AKT3: variants seen among roughly 807,000 people sequenced by gnomAD.
AKT3 encodes the protein AKT serine/threonine kinase 3, also known as RAC-gamma serine/threonine-protein kinase.
Under a neutral mutation model 65.3 loss-of-function variants are expected in AKT3, and 15 were observed. That is an observed-to-expected ratio of 0.23 (90% CI 0.15 to 0.35). AKT3 has a LOEUF of 0.35. AKT3 is among the 10% of genes least tolerant of loss of function. The pLI, the probability that AKT3 is intolerant of heterozygous loss-of-function variation, is 1.00. For missense variants in AKT3, 243 were observed against 576.5 expected (o/e 0.42, Z 5.92); for synonymous variants, 206 against 183.8 (o/e 1.12, Z -0.98).
intron 2 of AKT3, among the ~76,000 whole-genome samples, chr1:243,835,012 A>G (rs1431248199): frequency 6.6e-6 from 1 of 152,326 alleles, no homozygotes; most frequent in Admixed American, 6.5e-5. Flanking sequence ...GAAGAGTCTT[A>G]TATTTTATAT....
At chr1:243,638,387 TAAGTC>T (rs1414983674) in intron 5 of AKT3, among the ~76,000 whole-genome samples, 2 of 152,158 alleles carry the variant, frequency 1.3e-5, no homozygotes, top group African/African-American at 4.8e-5. Flanking sequence ...TTCTCTTTCT[TAAGTC>T]AGGTAATCCT....
intron 2 of AKT3, among the ~76,000 whole-genome samples, chr1:243,727,189 G>T (rs1687262140): frequency 6.6e-6 from 1 of 152,104 alleles, no homozygotes; most frequent in Non-Finnish European, 1.5e-5. Context: ...AGCTCAACAT[G>T]GCATCTGTTA....
rs146090558 is a variant in AKT3 at position 243,761,363 on chromosome 1, A to T, written c.47-65647T>A. Among the ~76,000 whole-genome samples, 382 of 152,316 alleles carry T rather than the reference A, an allele frequency of 2.5e-3. 8 individuals carry two copies. The highest frequency in any genetic ancestry group is 0.022 in the Admixed American group (336 of 15,298). On this transcript the variant is annotated intron_variant, in intron 2 of 13. Transcript: ENST00000673466. ...CTAAATATCATAATTTAGACAGAGGAATGCTTATCTTCAGTGAGTAAAAGA... is the reference window on the plus strand; with the variant it reads ...CTAAATATCATAATTTAGACAGAGGTATGCTTATCTTCAGTGAGTAAAAGA...
At chr1:243,831,156 T>C (rs1379584300) in intron 2 of AKT3, among the ~76,000 whole-genome samples, 1 of 152,180 alleles carries the variant, frequency 6.6e-6, no homozygotes, top group Non-Finnish European at 1.5e-5. Flanking sequence ...CATTTTTGTA[T>C]CACATACTGA....
chr1:243,494,591 T>C (rs1479366798), intron 13 of AKT3, among the ~76,000 whole-genome samples: 1 of 152,190 alleles, frequency 6.6e-6, no homozygotes, highest in Non-Finnish European at 1.5e-5. Context: ...ATAATTAATA[T>C]TGAAAAGCGC....
chr1:243,745,334 T>C (rs1163592400), intron 2 of AKT3, among the ~76,000 whole-genome samples: 2 of 152,166 alleles, frequency 1.3e-5, no homozygotes, highest in Non-Finnish European at 2.9e-5. Context: ...AGGGAGATCC[T>C]GTCTCAAAAA....
intron 2 of AKT3, among the ~76,000 whole-genome samples, chr1:243,793,876 A>T (rs1372611313): frequency 6.6e-6 from 1 of 152,050 alleles, no homozygotes; most frequent in African/African-American, 2.4e-5. Context: ...TCCATTAATC[A>T]TCACAACTAC....
chr1:243,674,701 C>G (rs771283582), intron 3 of AKT3, among the ~76,000 whole-genome samples: 11 of 152,196 alleles, frequency 7.2e-5, no homozygotes, highest in Non-Finnish European at 1.5e-4. Context: ...AAATGCAATG[C>G]GTGGTCCTCC....
chr1:243,497,836 A>G (rs1279903070), downstream of AKT3, among the ~76,000 whole-genome samples: 26 of 152,140 alleles, frequency 1.7e-4, 1 homozygote. Flanking sequence ...GCGCCACCAC[A>G]CATGGCTAAT....
chr1:243,767,739 C>T (rs1689923449), intron 2 of AKT3, among the ~76,000 whole-genome samples: 1 of 152,012 alleles, frequency 6.6e-6, no homozygotes, highest in African/African-American at 2.4e-5. Flanking sequence ...TAAGATTGGT[C>T]ATGAGTTGAA....
chr1:243,528,570 C>T (rs1305820160), intron 12 of AKT3, among the ~76,000 whole-genome samples: 6 of 152,120 alleles, frequency 3.9e-5, no homozygotes, highest in South Asian at 2.1e-4. Context: ...TGAGAATATG[C>T]GGGATTTTGT....
At chr1:243,694,481 T>C (rs1304742006) in intron 3 of AKT3, among the ~76,000 whole-genome samples, 1 of 73,590 alleles carries the variant, frequency 1.4e-5, no homozygotes, top group Non-Finnish European at 3.1e-5. Flanking sequence ...AGTGATCTCA[T>C]TTAAAAAATA....
chr1:243,488,802 G>A (rs1665660305), intron 13 of AKT3, among the ~76,000 whole-genome samples: 1 of 152,060 alleles, frequency 6.6e-6, no homozygotes, highest in Non-Finnish European at 1.5e-5. Context: ...TACTGAGATG[G>A]CTCCCAGTTC....
chr1:243,618,593 T>C (rs1334620097), intron 6 of AKT3, among the ~76,000 whole-genome samples: 1 of 152,106 alleles, frequency 6.6e-6, no homozygotes, highest in African/African-American at 2.4e-5. Flanking sequence ...ATACAATGTA[T>C]TTTTTTCATG....
chr1:243,499,936 TC>T lies in AKT3; in HGVS notation c.*5312del. 1 of 721,584 alleles carries T rather than the reference TC, an allele frequency of 1.4e-6. No homozygotes were observed. Among genetic ancestry groups the T allele is most frequent in the African/African-American group, 1.7e-5 (1 of 57,566 alleles). The allele number at this position is 721,584 out of a possible 1,614,324, so 44.7% of individuals were successfully genotyped here. The stretch of plus-strand genomic sequence containing the variant: ...CTGGTCCTCATCAACGCGGGCGCTG[TC>T]CCCGCACGCAGTCGGGCTGGAGCTG... On this transcript the variant is annotated 3_prime_UTR_variant, in exon 14 of 14. Transcript: ENST00000673466.
At chr1:243,717,222 T>G (rs1035095684) in intron 2 of AKT3, among the ~76,000 whole-genome samples, 2 of 152,250 alleles carry the variant, frequency 1.3e-5, no homozygotes, top group Non-Finnish European at 2.9e-5. Flanking sequence ...TTAGAAATGT[T>G]TAAGTAACTT....
rs1349942805 is a variant in AKT3 at position 243,803,687 on chromosome 1, CACACAT to C, written c.46+39432_46+39437del. Among the ~76,000 whole-genome samples, 518 of 115,304 alleles carry C rather than the reference CACACAT, an allele frequency of 4.5e-3. 3 individuals carry two copies. Among genetic ancestry groups the C allele is most frequent in the African/African-American group, 0.015 (455 of 29,598 alleles). The allele number at this position is 115,304 out of a possible 152,430, so 75.6% of individuals were successfully genotyped here. On this transcript the variant is annotated intron_variant, in intron 2 of 13. Coordinates refer to ENST00000673466, the MANE Select transcript of AKT3 (RefSeq NM_005465.7). ...ACACACACACACACACACACACACA[CACACAT>C]AAGACTGAAAGGAAATGTGCCAAAA...
At chr1:243,718,975 C>T (rs1224051692) in intron 2 of AKT3, among the ~76,000 whole-genome samples, 1 of 152,014 alleles carries the variant, frequency 6.6e-6, no homozygotes, top group African/African-American at 2.4e-5. Flanking sequence ...TAAGTCATTC[C>T]CTAAGGGGAT....
intron 8 of AKT3, among the ~76,000 whole-genome samples, chr1:243,608,207 T>C (rs918170396): frequency 6.6e-6 from 1 of 152,170 alleles, no homozygotes; most frequent in Non-Finnish European, 1.5e-5. Context: ...CTGTGCATGT[T>C]TGTCTTATCG....
Sources: allele counts gnomAD v4.1 joint callset (sites outside exome capture counted in the v4.1 genomes callset), GRCh38; gene constraint gnomAD v4.1.1; transcripts MANE v1.5; gene names NCBI Gene and HGNC (gene_info 2026-07-23, HGNC 2026-07-21).